Variants in LPP observed in about 807,000 individuals in gnomAD.
The protein encoded by LPP is lipoma-preferred partner.
Under a neutral mutation model 60.4 loss-of-function variants are expected in LPP, and 38 were observed. That is an observed-to-expected ratio of 0.63 (90% CI 0.49 to 0.83). LPP has a LOEUF of 0.83. LPP is among the 40% of genes least tolerant of loss of function. The pLI is 0.00. For missense variants in LPP, 902 were observed against 783.6 expected (o/e 1.15, Z -1.80); for synonymous variants, 328 against 290.8 (o/e 1.13, Z -1.30).
At chr3:188,459,644 T>C (rs889397211) in intron 4 of LPP, among the ~76,000 whole-genome samples, 18 of 152,166 alleles carry the variant, frequency 1.2e-4, no homozygotes, top group African/African-American at 4.3e-4. Flanking sequence ...CTATGTATGG[T>C]TTTATTTTTT....
chr3:188,601,041 A>G (rs1048855523), intron 6 of LPP, among the ~76,000 whole-genome samples: 1 of 152,042 alleles, frequency 6.6e-6, no homozygotes, highest in Non-Finnish European at 1.5e-5. Context: ...TCCTTTGGCT[A>G]TTGTGAATAA....
chr3:188,228,067 C>A (rs1403995951), intron 2 of LPP, among the ~76,000 whole-genome samples: 5 of 152,198 alleles, frequency 3.3e-5, no homozygotes, highest in African/African-American at 1.2e-4. Flanking sequence ...CTGTCAGAGA[C>A]CCTCTAGAGA....
intron 4 of LPP, among the ~76,000 whole-genome samples, chr3:188,454,605 GGAA>G (rs1460053638): frequency 6.6e-6 from 1 of 152,116 alleles, no homozygotes; most frequent in Non-Finnish European, 1.5e-5. Context: ...CCCGAGACTG[GGAA>G]GAAGAAGAGG....
chr3:188,539,008 A>AG (rs1282280327), intron 6 of LPP, among the ~76,000 whole-genome samples: 1 of 152,164 alleles, frequency 6.6e-6, no homozygotes, highest in Admixed American at 6.5e-5. Context: ...GCCAGTGGCC[A>AG]GGGGGAGGGG....
At chr3:188,705,709 C>T (rs934400365) in intron 7 of LPP, among the ~76,000 whole-genome samples, 3 of 151,912 alleles carry the variant, frequency 2.0e-5, no homozygotes, top group African/African-American at 4.8e-5. Flanking sequence ...ACTGTACCAC[C>T]GGGTTCAAGC....
intron 7 of LPP, among the ~76,000 whole-genome samples, chr3:188,688,037 CT>C (rs1323626238): frequency 4.6e-5 from 7 of 152,286 alleles, no homozygotes; most frequent in Non-Finnish European, 7.3e-5. Context: ...CTTACCTTAA[CT>C]GCCCCAGGCA....
intron 2 of LPP, among the ~76,000 whole-genome samples, chr3:188,322,223 G>A (rs900682913): frequency 5.3e-5 from 8 of 152,218 alleles, no homozygotes; most frequent in Non-Finnish European, 8.8e-5. Context: ...AGCTTGGACT[G>A]TAGATACTTT....
chr3:188,317,694 T>G (rs932335488), intron 2 of LPP, among the ~76,000 whole-genome samples: 14 of 152,174 alleles, frequency 9.2e-5, no homozygotes, highest in Non-Finnish European at 4.4e-5. Context: ...GAAGGTAGAC[T>G]GTTGTATTGG....
intron 6 of LPP, among the ~76,000 whole-genome samples, chr3:188,605,023 A>C (rs1842129010): frequency 6.6e-6 from 1 of 152,194 alleles, no homozygotes; most frequent in Non-Finnish European, 1.5e-5. Flanking sequence ...CACAATAGAC[A>C]TGAAAGAAGG....
chr3:188,808,269 C>A (rs1332882396), intron 9 of LPP, among the ~76,000 whole-genome samples: 1 of 151,970 alleles, frequency 6.6e-6, no homozygotes, highest in African/African-American at 2.4e-5. Flanking sequence ...AAATTTTGCA[C>A]TGTTGGTGGG....
chr3:188,258,265 T>C (rs150223993), intron 2 of LPP, among the ~76,000 whole-genome samples: 2,805 of 152,364 alleles, frequency 0.018, 41 homozygotes, highest in South Asian at 0.03. Flanking sequence ...AACATTTCAG[T>C]CAAACTTCTA....
chr3:188,456,162 C>T (rs1460067306), intron 4 of LPP, among the ~76,000 whole-genome samples: 7 of 152,138 alleles, frequency 4.6e-5, no homozygotes, highest in East Asian at 1.9e-4. Context: ...CGATTACAGG[C>T]GTGAGCCAAT....
chr3:188,240,948 T>G (rs1724389728), intron 2 of LPP, among the ~76,000 whole-genome samples: 1 of 152,358 alleles, frequency 6.6e-6, no homozygotes, highest in Middle Eastern at 3.4e-3. Flanking sequence ...TATATGTCCT[T>G]AACTATATGA....
At chr3:188,608,077 C>T (rs1232220106) in intron 6 of LPP, among the ~76,000 whole-genome samples, 1 of 152,024 alleles carries the variant, frequency 6.6e-6, no homozygotes, top group African/African-American at 2.4e-5. Context: ...AAGCTGTGCA[C>T]AATAGATTAG....
At chr3:188,607,403 AT>A (rs1560628752) in intron 6 of LPP, among the ~76,000 whole-genome samples, 1,022 of 28,974 alleles carry the variant, frequency 0.035, 58 homozygotes, top group South Asian at 0.063. Context: ...ATATATATAT[AT>A]ATATATATAT....
At chr3:188,781,761 G>T (rs1190054828) in intron 9 of LPP, among the ~76,000 whole-genome samples, 1 of 151,434 alleles carries the variant, frequency 6.6e-6, no homozygotes, top group Non-Finnish European at 1.5e-5. Flanking sequence ...ACATGGTGGC[G>T]GGTGCCTGTA....
chr3:188,412,517 G>C (rs572267102), intron 4 of LPP, among the ~76,000 whole-genome samples: 1 of 152,282 alleles, frequency 6.6e-6, no homozygotes, highest in East Asian at 1.9e-4. Flanking sequence ...TTGATGATTT[G>C]TAAGTAGTAG....
At chr3:188,473,614 T>G (rs1347512722) in intron 4 of LPP, among the ~76,000 whole-genome samples, 1 of 152,198 alleles carries the variant, frequency 6.6e-6, no homozygotes, top group Non-Finnish European at 1.5e-5. Context: ...TACACACCAC[T>G]GGTTAAAAGT....
At chr3:188,239,574 T>C (rs998576418) in intron 2 of LPP, among the ~76,000 whole-genome samples, 2 of 152,212 alleles carry the variant, frequency 1.3e-5, no homozygotes, top group Non-Finnish European at 2.9e-5. Context: ...AATCATTTTA[T>C]CAATATTTCA....
Sources: allele counts gnomAD v4.1 joint callset (sites outside exome capture counted in the v4.1 genomes callset), GRCh38; gene constraint gnomAD v4.1.1; transcripts MANE v1.5; gene names NCBI Gene and HGNC (gene_info 2026-07-23, HGNC 2026-07-21).